Variants in MMP16 observed in about 807,000 individuals in gnomAD.
The protein encoded by MMP16 is matrix metallopeptidase 16.
A neutral mutation model predicts 67.8 loss-of-function variants in MMP16; 12 were observed. The ratio of observed to expected loss-of-function variants is 0.18; its 90% CI spans 0.11 to 0.29. The LOEUF is 0.29. Ranked by LOEUF, MMP16 falls within the 10% of genes least tolerant of loss-of-function variation. The pLI is 1.00. For synonymous variants in MMP16, 249 were observed against 255.9 expected (o/e 0.97, Z 0.26); for missense variants, 475 against 765.7 (o/e 0.62, Z 4.48).
chr8:88,207,601 C>T (rs2129809190), intron 1 of MMP16, among the ~76,000 whole-genome samples: 1 of 151,976 alleles, frequency 6.6e-6, no homozygotes, highest in Admixed American at 6.6e-5. Flanking sequence ...AGTTGAATTG[C>T]TTGTGAATTG....
intron 4 of MMP16, among the ~76,000 whole-genome samples, chr8:88,162,962 C>T (rs1487118912): frequency 6.6e-6 from 1 of 151,980 alleles, no homozygotes; most frequent in Non-Finnish European, 1.5e-5. Context: ...AGTGTGAGAA[C>T]AGACTAATGC....
chr8:88,273,660 CT>C (rs1380483627), intron 1 of MMP16, among the ~76,000 whole-genome samples: 1 of 152,016 alleles, frequency 6.6e-6, no homozygotes, highest in Non-Finnish European at 1.5e-5. Flanking sequence ...GTTTTTTAAC[CT>C]GTGAAATATA....
chr8:88,093,387 G>C (rs17720712), intron 6 of MMP16, among the ~76,000 whole-genome samples: 4 of 151,580 alleles, frequency 2.6e-5, no homozygotes, highest in Non-Finnish European at 5.9e-5. Flanking sequence ...TTGGCCCATC[G>C]ATCAACCATA....
Position 88,165,137 on chromosome 8 carries a change from G to T in MMP16, c.709+2532C>A, listed in dbSNP as rs535608361. ...GTAGGAGGATTGCTTCAGCCCAAGA[G>T]TTCAAGTCCAGCCTGGGCAAAATAG... is the stretch of plus-strand genomic sequence containing the variant. On this transcript the variant is annotated intron_variant, in intron 4 of 9. Transcript: ENST00000286614. Among the ~76,000 whole-genome samples the T allele has an allele frequency of 4.7e-4, 64 of 134,950 alleles. 1 individual carries two copies. Among genetic ancestry groups the T allele is most frequent in the African/African-American group, 1.7e-3 (61 of 35,596 alleles). 88.5% of individuals were successfully genotyped at this position (134,950 alleles called of 152,430 possible). A position where few individuals can be genotyped will look rare whatever the true frequency, so the allele number is the denominator to read the frequency against.
chr8:88,149,780 C>A (rs1490919627), intron 4 of MMP16, among the ~76,000 whole-genome samples: 2 of 151,834 alleles, frequency 1.3e-5, no homozygotes, highest in African/African-American at 4.8e-5. Context: ...AACAGAAAAA[C>A]TGGAAACTCT....
At chr8:88,099,334 A>G (rs1335169891) in intron 6 of MMP16, among the ~76,000 whole-genome samples, 1 of 151,804 alleles carries the variant, frequency 6.6e-6, no homozygotes, top group Non-Finnish European at 1.5e-5. Flanking sequence ...TTTACAGTCT[A>G]GAACCTTTTG....
At chr8:88,190,071 C>T (rs967768988) in intron 2 of MMP16, among the ~76,000 whole-genome samples, 6 of 152,276 alleles carry the variant, frequency 3.9e-5, no homozygotes, top group Admixed American at 2.6e-4. Context: ...ATTGCAGAGA[C>T]ATTACGTGGA....
intron 1 of MMP16, among the ~76,000 whole-genome samples, chr8:88,204,563 T>C (rs1445688891): frequency 6.6e-6 from 1 of 152,006 alleles, no homozygotes; most frequent in Non-Finnish European, 1.5e-5. Flanking sequence ...AAATAAAAAA[T>C]AAAAATTATT....
At chr8:88,221,798 G>T (rs1432637356) in intron 1 of MMP16, among the ~76,000 whole-genome samples, 1 of 151,500 alleles carries the variant, frequency 6.6e-6, no homozygotes, top group Non-Finnish European at 1.5e-5. Flanking sequence ...AGAAAGTGAA[G>T]AAAAAAGCAA....
At chr8:88,081,862 T>C (rs1808756750) in intron 6 of MMP16, among the ~76,000 whole-genome samples, 1 of 152,124 alleles carries the variant, frequency 6.6e-6, no homozygotes, top group Non-Finnish European at 1.5e-5. Context: ...ACTCAGGAAG[T>C]TTAAGCTGTT....
At chr8:88,253,926 G>C (rs1810264109) in intron 1 of MMP16, among the ~76,000 whole-genome samples, 1 of 151,650 alleles carries the variant, frequency 6.6e-6, no homozygotes, top group African/African-American at 2.4e-5. Context: ...CTCCTGCCTT[G>C]AGATACCATT....
At chr8:88,312,743 C>T (rs1381739277) in intron 1 of MMP16, among the ~76,000 whole-genome samples, 1 of 152,020 alleles carries the variant, frequency 6.6e-6, no homozygotes, top group Non-Finnish European at 1.5e-5. Flanking sequence ...CTGAGGCGGG[C>T]AGATCACCTG....
intron 6 of MMP16, among the ~76,000 whole-genome samples, chr8:88,102,589 C>A (rs1809163731): frequency 6.6e-6 from 1 of 151,700 alleles, no homozygotes; most frequent in African/African-American, 2.4e-5. Context: ...AACCTTCAGT[C>A]CCTCTCCCCT....
intron 4 of MMP16, among the ~76,000 whole-genome samples, chr8:88,147,359 A>G (rs1478377332): frequency 6.6e-6 from 1 of 152,054 alleles, no homozygotes; most frequent in Non-Finnish European, 1.5e-5. Context: ...TTTACATGCT[A>G]TTATTATCCA....
intron 1 of MMP16, among the ~76,000 whole-genome samples, chr8:88,279,931 A>T (rs951462013): frequency 6.6e-6 from 1 of 152,100 alleles, no homozygotes. Context: ...AGAAAGAAAG[A>T]CATGTCCAGG....
intron 3 of MMP16, among the ~76,000 whole-genome samples, chr8:88,183,436 T>A (rs559041937): frequency 5.3e-5 from 8 of 152,316 alleles, no homozygotes; most frequent in Non-Finnish European, 1.2e-4. Context: ...TAATTATTTC[T>A]AAACAATCAT....
chr8:88,091,871 C>T (rs1808943724), intron 6 of MMP16, among the ~76,000 whole-genome samples: 1 of 151,850 alleles, frequency 6.6e-6, no homozygotes, highest in African/African-American at 2.4e-5. Flanking sequence ...AGCCTTTTGA[C>T]TTGTGGCTAT....
At chr8:88,226,502 T>C (rs1351228252) in intron 1 of MMP16, among the ~76,000 whole-genome samples, 1 of 152,124 alleles carries the variant, frequency 6.6e-6, no homozygotes, top group African/African-American at 2.4e-5. Flanking sequence ...AGAAGACTCA[T>C]TTTCAAGTTC....
At chr8:88,140,820 A>C (rs2118500914) in intron 4 of MMP16, among the ~76,000 whole-genome samples, 1 of 152,310 alleles carries the variant, frequency 6.6e-6, no homozygotes, top group East Asian at 1.9e-4. Context: ...TAGATAAAAT[A>C]CTGTCTGCAA....
Sources: allele counts gnomAD v4.1 joint callset (sites outside exome capture counted in the v4.1 genomes callset), GRCh38; gene constraint gnomAD v4.1.1; transcripts MANE v1.5; gene names NCBI Gene and HGNC (gene_info 2026-07-23, HGNC 2026-07-21).